The following RASSF4 variants were observed in gnomAD, a reference collection of about 807,000 sequenced individuals.
The protein encoded by RASSF4 is ras association domain-containing protein 4.
In RASSF4, 38 loss-of-function variants were observed where a neutral mutation model predicts 41.1. The ratio of observed to expected loss-of-function variants is 0.92; its 90% CI spans 0.71 to 1.21. RASSF4 has a LOEUF of 1.21. RASSF4 is among the 50% of genes most tolerant of loss of function. The probability of loss-of-function intolerance (pLI) is 0.00; values close to 1 mark genes in which losing one functional copy is unlikely to be tolerated. For missense variants in RASSF4, 414 were observed against 419.4 expected (o/e 0.99, Z 0.11); for synonymous variants, 179 against 163.4 (o/e 1.10, Z -0.73).
chr10:44,978,149 C>T (rs1841535466), intron 3 of RASSF4: 1 of 1,215,716 alleles, frequency 8.2e-7, no homozygotes, highest in Admixed American at 2.7e-5. Flanking sequence ...CTGTAGGAAT[C>T]CGGTGCCCTG....
intron 3 of RASSF4, among the ~76,000 whole-genome samples, chr10:44,972,480 A>G (rs565334241): frequency 6.6e-6 from 1 of 152,380 alleles, no homozygotes; most frequent in South Asian, 2.1e-4. Context: ...AGGATAGATT[A>G]TCTGGAATTT....
intron 6 of RASSF4, 116 bp from the exon 7 acceptor site, chr10:44,989,158 G>T: frequency 1.5e-6 from 1 of 651,330 alleles, no homozygotes; most frequent in Non-Finnish European, 2.8e-6. Flanking sequence ...TGAATGGACA[G>T]GTGCAGGTGT....
At chr10:44,981,589 G>A (rs1490321566) in intron 3 of RASSF4, 2 of 152,242 alleles carry the variant, frequency 1.3e-5, no homozygotes, top group Non-Finnish European at 2.9e-5. Context: ...GAGCACATTA[G>A]GAGTGTGTAG....
chr10:44,972,429 G>A (rs1008370164), intron 3 of RASSF4, among the ~76,000 whole-genome samples: 13 of 152,266 alleles, frequency 8.5e-5, no homozygotes, highest in African/African-American at 1.4e-4. Flanking sequence ...GTGCAGGACC[G>A]TGGGCCTGGT....
At chr10:44,964,468 T>C (rs1473479207) in intron 1 of RASSF4, among the ~76,000 whole-genome samples, 2 of 152,236 alleles carry the variant, frequency 1.3e-5, no homozygotes, top group Admixed American at 6.5e-5. Context: ...CGACTTGGCC[T>C]GTCCAGCTGC....
intron 3 of RASSF4, 67 bp from the exon 4 acceptor site, chr10:44,982,454 T>C (rs1351494063): frequency 6.3e-7 from 1 of 1,589,902 alleles, no homozygotes; most frequent in Non-Finnish European, 8.6e-7. Flanking sequence ...GAGCATCCCA[T>C]CCCTAGGGGG....
rs114571942 is a variant in RASSF4 at position 44,965,623 on chromosome 10, C to A, written c.-38-4542C>A. Reference sequence around the variant, plus strand: ...TTTGTGTGGAGCCAAGGTTCCCACCCTGTAAGGCTCAGGACCCAGCCCAGC... The same window carrying A: ...TTTGTGTGGAGCCAAGGTTCCCACCATGTAAGGCTCAGGACCCAGCCCAGC... On this transcript the variant is annotated intron_variant, in intron 1 of 10. Coordinates refer to ENST00000340258, the MANE Select transcript of RASSF4 (RefSeq NM_032023.4). Among the ~76,000 whole-genome samples, 1,260 of 152,342 alleles carry A rather than the reference C, an allele frequency of 8.3e-3. 20 individuals carry two copies. Among genetic ancestry groups the A allele is most frequent in the African/African-American group, 0.029 (1,203 of 41,574 alleles).
chr10:44,985,115 C>T (rs113503513), intron 6 of RASSF4, 145 bp downstream of exon 6: 5 of 772,770 alleles, frequency 6.5e-6, no homozygotes, highest in African/African-American at 1.7e-5. Flanking sequence ...CATAACAGCC[C>T]CGTTTATGAC....
intron 2 of RASSF4, 102 bp from the exon 3 acceptor site, chr10:44,971,671 C>T (rs753334027): frequency 2.2e-6 from 2 of 900,708 alleles, no homozygotes; most frequent in Non-Finnish European, 3.8e-6. Flanking sequence ...GGTGCTGTCA[C>T]ACTCCTGTTA....
chr10:44,981,918 G>A (rs1256331043), intron 3 of RASSF4: 2 of 152,936 alleles, frequency 1.3e-5, no homozygotes, highest in African/African-American at 2.4e-5. Flanking sequence ...GAAGGCTGTT[G>A]TAGAAATTCT....
At chr10:44,973,928 G>A (rs1428376131) in intron 3 of RASSF4, among the ~76,000 whole-genome samples, 1 of 152,252 alleles carries the variant, frequency 6.6e-6, no homozygotes, top group Non-Finnish European at 1.5e-5. Flanking sequence ...TAACGCTGAA[G>A]AAAGTGTAAG....
intron 1 of RASSF4, among the ~76,000 whole-genome samples, chr10:44,963,329 C>T (rs923508908): frequency 2.6e-5 from 4 of 152,144 alleles, no homozygotes; most frequent in Admixed American, 6.5e-5. Flanking sequence ...AACCAGACAG[C>T]CGGCTCTCAC....
chr10:44,992,064 A>C, intron 10 of RASSF4, 62 bp downstream of exon 10: 1 of 1,099,552 alleles, frequency 9.1e-7, no homozygotes, highest in Non-Finnish European at 1.4e-6. Context: ...TGCAAAGCAC[A>C]GCACCAGTGC....
intron 3 of RASSF4, among the ~76,000 whole-genome samples, chr10:44,972,196 A>C (rs1209394776): frequency 6.6e-6 from 1 of 151,616 alleles, no homozygotes; most frequent in Non-Finnish European, 1.5e-5. Context: ...CACACCATTC[A>C]GCGGACAAGA....
chr10:44,986,953 T>C (rs954383518), intron 6 of RASSF4, among the ~76,000 whole-genome samples: 2 of 152,158 alleles, frequency 1.3e-5, no homozygotes, highest in African/African-American at 4.8e-5. Context: ...AGAGAAACCA[T>C]TTGTGGTTAG....
chr10:44,992,584 G>A (rs1013803235), intron 10 of RASSF4, among the ~76,000 whole-genome samples: 11 of 152,174 alleles, frequency 7.2e-5, no homozygotes, highest in East Asian at 1.9e-4. Context: ...TCCCAATGAC[G>A]TCTCCCCCTC....
chr10:44,965,568 A>G (rs368261647), intron 1 of RASSF4, among the ~76,000 whole-genome samples: 1 of 152,226 alleles, frequency 6.6e-6, no homozygotes, highest in East Asian at 1.9e-4. Context: ...GGACACAGAA[A>G]TGTGTGCCTC....
chr10:44,994,656 C>T lies in RASSF4; in HGVS notation c.*1327C>T, dbSNP rs1842234792. ...CTGCCCACTGTTTTGTCGACTCTGC[C>T]CTCCTCTGGCAGCATAGATCCTTAG... On this transcript the variant is annotated 3_prime_UTR_variant, in exon 11 of 11. Coordinates refer to ENST00000340258, the MANE Select transcript of RASSF4 (RefSeq NM_032023.4). 1 of 152,128 alleles carries T rather than the reference C, an allele frequency of 6.6e-6. No individual in the cohort carries two copies. Among genetic ancestry groups the T allele is most frequent in the Admixed American group, 6.5e-5 (1 of 15,282 alleles). The allele number at this position is 152,128 out of a possible 1,614,324, so 9.4% of individuals were successfully genotyped here. A position where few individuals can be genotyped will look rare whatever the true frequency, so the allele number is the denominator to read the frequency against.
Position 44,990,972 on chromosome 10 carries a change from A to G in RASSF4, c.710A>G (p.Glu237Gly), listed in dbSNP as rs1470574403. 8 of 1,613,742 alleles carry G rather than the reference A, an allele frequency of 5.0e-6. No homozygotes were observed. Among genetic ancestry groups the G allele is most frequent in the Non-Finnish European group, 5.9e-6 (7 of 1,179,676 alleles). The change falls in exon 9 of 11, where the codon GAG (glutamate) becomes GGG (glycine). Residue 237 changes from glutamate (E) to glycine (G), a missense_variant. Transcript: ENST00000340258. The stretch of plus-strand genomic sequence containing the variant: ...GAGCGGACAAAATTAAAAGACTGCG[A>G]GTACCCGCTGATTTCCAGAATCCTG... ...SGERTKLKDC[E>G]YPLISRILHG... is the part of the protein sequence containing the mutation.
Sources: allele counts gnomAD v4.1 joint callset (sites outside exome capture counted in the v4.1 genomes callset), GRCh38; gene constraint gnomAD v4.1.1; transcripts MANE v1.5; gene names NCBI Gene and HGNC (gene_info 2026-07-23, HGNC 2026-07-21).